Variants in CKAP5 observed in about 807,000 individuals in gnomAD.
CKAP5 encodes cytoskeleton-associated protein 5.
In CKAP5, 27 loss-of-function variants were observed where a neutral mutation model predicts 232.8. The observed-to-expected ratio is 0.12, with a 90% CI of 0.09 to 0.16. CKAP5 has a LOEUF of 0.16. Among genes scored for constraint, CKAP5 ranks in the 10% least tolerant of loss-of-function variants. The probability of loss-of-function intolerance (pLI) is 1.00; values close to 1 mark genes in which losing one functional copy is unlikely to be tolerated. For synonymous variants in CKAP5, 785 were observed against 841.1 expected (o/e 0.93, Z 1.16); for missense variants, 1,838 against 2,424.7 (o/e 0.76, Z 5.08).
chr11:46,829,133 T>G (rs2134704118), intron 1 of CKAP5, among the ~76,000 whole-genome samples: 1 of 152,310 alleles, frequency 6.6e-6, no homozygotes, highest in African/African-American at 2.4e-5. Flanking sequence ...TAAATACAGT[T>G]GACCCTTGAA....
At chr11:46,829,947 T>C (rs1179014855) in intron 1 of CKAP5, among the ~76,000 whole-genome samples, 3 of 151,950 alleles carry the variant, frequency 2.0e-5, no homozygotes, top group African/African-American at 7.3e-5. Flanking sequence ...AGAAATCACG[T>C]TGTAATCCCT....
Position 46,841,207 on chromosome 11 carries a change from T to G in CKAP5, c.-38+5013A>C, listed in dbSNP as rs542567877. On this transcript the variant is annotated intron_variant, in intron 1 of 43. Transcript: ENST00000529230. The stretch of plus-strand genomic sequence containing the variant: ...ATCTCTTGAACCCGGGAGACAGAGG[T>G]TGCAGTCAGCCAAGACTGCGCCACC... Among the ~76,000 whole-genome samples the G allele has an allele frequency of 4.6e-5, 7 of 151,384 alleles. No homozygotes were observed. In the South Asian group the frequency reaches 1.5e-3, roughly 32 times the overall value.
intron 1 of CKAP5, among the ~76,000 whole-genome samples, chr11:46,828,480 T>C (rs1939703515): frequency 2.0e-5 from 3 of 152,188 alleles, no homozygotes; most frequent in Admixed American, 2.0e-4. Flanking sequence ...AGATTGTGAG[T>C]TCCTCAAGGG....
intron 24 of CKAP5, among the ~76,000 whole-genome samples, chr11:46,772,733 C>CTTTT (rs139098308): frequency 2.1e-5 from 3 of 145,608 alleles, no homozygotes; most frequent in Non-Finnish European, 1.5e-5. Flanking sequence ...AGTGATTCCT[C>CTTTT]TTTTTTTTTT....
At chr11:46,759,550 G>A (rs2065139142) in intron 33 of CKAP5, 108 bp from the exon 34 acceptor site, 2 of 1,103,040 alleles carry the variant, frequency 1.8e-6, no homozygotes, top group Non-Finnish European at 2.5e-6. Flanking sequence ...TTCAACTTCT[G>A]GTTTCAGCCC....
intron 1 of CKAP5, among the ~76,000 whole-genome samples, chr11:46,845,102 T>G (rs1170117599): frequency 2.6e-5 from 4 of 152,234 alleles, no homozygotes; most frequent in Non-Finnish European, 4.4e-5. Flanking sequence ...AGTCAAAGTC[T>G]TCTACAATTT....
intron 16 of CKAP5, among the ~76,000 whole-genome samples, chr11:46,787,845 T>C (rs1016182510): frequency 6.6e-6 from 1 of 152,334 alleles, no homozygotes; most frequent in South Asian, 2.1e-4. Context: ...GATCCACTTA[T>C]GCATGAATTT....
At chr11:46,758,888 C>A in intron 35 of CKAP5, 35 bp downstream of exon 35, 1 of 1,611,432 alleles carries the variant, frequency 6.2e-7, no homozygotes, top group Non-Finnish European at 8.5e-7. Context: ...CTATGTCCAC[C>A]AATGGAATCC....
intron 34 of CKAP5, 25 bp from the exon 35 acceptor site, chr11:46,759,068 C>G (rs772777320): frequency 6.8e-6 from 11 of 1,610,294 alleles, no homozygotes; most frequent in Non-Finnish European, 8.5e-6. Context: ...AAAGAGAAAA[C>G]TTCAACCTCT....
intron 1 of CKAP5, among the ~76,000 whole-genome samples, chr11:46,843,835 T>C (rs951828691): frequency 2.0e-5 from 3 of 151,908 alleles, no homozygotes; most frequent in African/African-American, 7.3e-5. Flanking sequence ...TTATTAGGAA[T>C]GGATATTATG....
chr11:46,752,195 C>T (rs867934556), intron 38 of CKAP5, among the ~76,000 whole-genome samples: 879 of 57,210 alleles, frequency 0.015, 3 homozygotes, highest in Non-Finnish European at 0.019. Context: ...TATATATATA[C>T]ACACACACAC....
At chr11:46,776,430 G>A in intron 23 of CKAP5, 47 bp from the exon 24 acceptor site, 1 of 1,524,346 alleles carries the variant, frequency 6.6e-7, no homozygotes, top group Non-Finnish European at 8.9e-7. Flanking sequence ...CTACAGTTTG[G>A]AGGTAGGGGG....
intron 35 of CKAP5, among the ~76,000 whole-genome samples, chr11:46,756,163 A>G (rs1344827037): frequency 6.6e-6 from 1 of 152,182 alleles, no homozygotes; most frequent in African/African-American, 2.4e-5. Context: ...TTTATATCTA[A>G]TCTATTGGCA....
Position 46,762,037 on chromosome 11 carries a change from T to C in CKAP5, c.4184A>G (p.Asn1395Ser), listed in dbSNP as rs373827181. The C allele has an allele frequency of 9.3e-6, 15 of 1,613,988 alleles. No individual in the cohort carries two copies. Among genetic ancestry groups the C allele is most frequent in the African/African-American group, 6.7e-5 (5 of 74,938 alleles). ...TTTGAACACCTGATCCCCATGTACA[T>C]TGTACACCGTTACAATGGTGTTGAG... ...AALNTIVTVY[N>S]VHGDQVFKLI... The change falls in exon 32 of 44, where the codon AAT becomes AGT. Residue 1395 changes from asparagine (N) to serine (S), a missense_variant. By Grantham distance (46) the Asn-to-Ser change is conservative. This residue lies in a region of CKAP5 where 579 missense variants were observed against 843.2 expected (regional missense o/e 0.69). Transcript: ENST00000529230.
chr11:46,783,542 A>T (rs1452562998), intron 17 of CKAP5, among the ~76,000 whole-genome samples, 174 bp from the exon 18 acceptor site: 1 of 152,054 alleles, frequency 6.6e-6, no homozygotes, highest in African/African-American at 2.4e-5. Flanking sequence ...TGATAGTAGG[A>T]CTAAAGGCAT....
intron 36 of CKAP5, among the ~76,000 whole-genome samples, chr11:46,753,888 G>A (rs567742132): frequency 3.3e-5 from 5 of 152,008 alleles, no homozygotes; most frequent in East Asian, 1.9e-4. Flanking sequence ...CACCGCGCCC[G>A]GCTATGTTAT....
intron 8 of CKAP5, among the ~76,000 whole-genome samples, chr11:46,805,540 C>T (rs192254956): frequency 1.3e-5 from 2 of 152,210 alleles, no homozygotes; most frequent in Admixed American, 6.5e-5. Flanking sequence ...TCACCATTTC[C>T]CCACTTTTTT....
At chr11:46,835,415 A>G (rs1053818306) in intron 1 of CKAP5, among the ~76,000 whole-genome samples, 1 of 151,930 alleles carries the variant, frequency 6.6e-6, no homozygotes, top group East Asian at 1.9e-4. Context: ...CTAGGGTTAG[A>G]GCAGAGAAAA....
rs1271951131 is a variant in CKAP5, at chr11:46,798,867, A to T, written c.1084-695T>A. On this transcript the variant is annotated intron_variant, in intron 9 of 43. Transcript: ENST00000529230. ...TTTATCTCAATAAAACTTACTTTCT[A>T]AAAAACCACCTTGTCTCCACCAAAA... is the stretch of plus-strand genomic sequence containing the variant. 2.0e-5 allele frequency among the ~76,000 whole-genome samples: 3 copies of T among 152,338 alleles called. No homozygotes were observed. In the East Asian group the frequency reaches 5.8e-4, roughly 29 times the overall value.
Sources: gnomAD v4.1 joint callset for allele counts (sites outside exome capture counted in the v4.1 genomes callset) on GRCh38, gnomAD v4.1.1 for gene constraint, gnomAD v4.1.1 regional missense constraint, MANE v1.5 for transcripts, NCBI Gene and HGNC (gene_info 2026-07-23, HGNC 2026-07-21) for gene names.